The following CCNJL variants were observed in gnomAD, a reference collection of about 807,000 sequenced individuals.
The protein encoded by CCNJL is cyclin J like.
A neutral mutation model predicts 33.4 loss-of-function variants in CCNJL; 33 were observed. The ratio of observed to expected loss-of-function variants is 0.99; its 90% CI spans 0.75 to 1.32. CCNJL has a LOEUF of 1.32. Among genes scored for constraint, CCNJL ranks in the 40% most tolerant of loss-of-function variants. CCNJL has a pLI of 0.00. For synonymous variants in CCNJL, 227 were observed against 220.9 expected, an observed-to-expected ratio of 1.03 and a Z score of -0.24; for missense variants, 512 against 499.7, an observed-to-expected ratio of 1.02 and a Z score of -0.23.
At position 160,255,796 on chromosome 5, in the gene CCNJL, G is replaced by A. The variant is rs1383216291; in HGVS notation, c.584-88C>T. ...CTGAGAATGGATGGACAAATGAATC[G>A]CTTTCAAGGCTTTTCATCGCTGCCC... On this transcript the variant is annotated intron_variant, in intron 4 of 5. Transcript: ENST00000257536. The A allele has an allele frequency of 3.3e-5, 37 of 1,136,060 alleles. 1 individual carries two copies. The South Asian group carries it at 4.0e-4, about 12-fold the overall frequency. 70.4% of individuals were successfully genotyped at this position (1,136,060 alleles called of 1,614,324 possible).
chr5:160,271,810 G>A (rs1470893322), intron 3 of CCNJL, among the ~76,000 whole-genome samples: 1 of 152,236 alleles, frequency 6.6e-6, no homozygotes, highest in Non-Finnish European at 1.5e-5. Flanking sequence ...TTCCTGAAAT[G>A]TTCAAACATT....
intron 2 of CCNJL, among the ~76,000 whole-genome samples, chr5:160,292,662 G>C (rs1762624163): frequency 7.0e-6 from 1 of 142,068 alleles, no homozygotes; most frequent in Non-Finnish European, 1.5e-5. Context: ...TGTAACATGT[G>C]TGTGTATATA....
intron 2 of CCNJL, among the ~76,000 whole-genome samples, chr5:160,307,335 G>C (rs12108752): frequency 2.5e-4 from 38 of 152,310 alleles, no homozygotes; most frequent in African/African-American, 9.1e-4. Context: ...CAAAGATGGT[G>C]AAAGAAGCAA....
rs561818007 is a variant in CCNJL at position 160,332,780 on chromosome 5, T to C, written n.206+6665A>G. 2.0e-5 allele frequency among the ~76,000 whole-genome samples: 3 copies of C among 152,282 alleles called. No homozygotes were observed. In the East Asian group the frequency reaches 5.8e-4, roughly 29 times the overall value. On this transcript the variant is annotated intron_variant and non_coding_transcript_variant, in intron 1 of 7. Transcript: ENST00000377503. ...TCAACTACTGACCCTTCCATATGTCTTCTCTGCTTTTTTTTTTCTCCTAGT... is the reference window on the plus strand; with the variant it reads ...TCAACTACTGACCCTTCCATATGTCCTCTCTGCTTTTTTTTTTCTCCTAGT...
At chr5:160,257,057 C>T (rs192519182) in intron 4 of CCNJL, among the ~76,000 whole-genome samples, 124 of 152,114 alleles carry the variant, frequency 8.2e-4, no homozygotes, top group Admixed American at 2.2e-3. Flanking sequence ...GTGATACAAA[C>T]GATCATTCAG....
At chr5:160,295,300 C>G (rs183662044) in intron 2 of CCNJL, among the ~76,000 whole-genome samples, 3 of 152,140 alleles carry the variant, frequency 2.0e-5, no homozygotes, top group Admixed American at 6.6e-5. Context: ...ACCATCCTGT[C>G]CAACAGGTGA....
chr5:160,337,144 C>T (rs1763693645), intron 1 of CCNJL, among the ~76,000 whole-genome samples: 2 of 150,688 alleles, frequency 1.3e-5, no homozygotes, highest in Admixed American at 1.3e-4. Context: ...GCTGGGGCTA[C>T]AGGCACGTAC....
chr5:160,258,375 T>C (rs1761164441), intron 4 of CCNJL: 1 of 778,520 alleles, frequency 1.3e-6, no homozygotes, highest in Non-Finnish European at 2.3e-6. Context: ...TATATGAGAA[T>C]GAAGATGTGA....
At chr5:160,287,031 C>T (rs1762429062) in intron 2 of CCNJL, among the ~76,000 whole-genome samples, 1 of 152,144 alleles carries the variant, frequency 6.6e-6, no homozygotes, top group African/African-American at 2.4e-5. Context: ...CCTCACCTCC[C>T]GCCCCCACAT....
intron 3 of CCNJL, among the ~76,000 whole-genome samples, chr5:160,278,902 C>T (rs536114871): frequency 8.5e-5 from 13 of 152,308 alleles, no homozygotes; most frequent in South Asian, 2.1e-4. Flanking sequence ...GGGGGCTGCA[C>T]GTTGATTTGG....
chr5:160,274,471 A>T (rs770877563), intron 3 of CCNJL, among the ~76,000 whole-genome samples: 91 of 152,050 alleles, frequency 6.0e-4, no homozygotes, highest in Non-Finnish European at 1.1e-3. Context: ...AAAAAAAAAC[A>T]ATCTGTAGTA....
At chr5:160,267,982 T>C (rs935189612) in intron 3 of CCNJL, among the ~76,000 whole-genome samples, 1 of 152,244 alleles carries the variant, frequency 6.6e-6, no homozygotes, top group African/African-American at 2.4e-5. Context: ...CTTCCAATGA[T>C]AGCATTTAAG....
intron 2 of CCNJL, among the ~76,000 whole-genome samples, chr5:160,291,036 T>TAAAAAAA (rs1177369719): frequency 6.3e-4 from 36 of 57,514 alleles, no homozygotes; most frequent in South Asian, 7.0e-4. Context: ...CGTCTTTACT[T>TAAAAAAA]AAAAAAAAAA....
intron 1 of CCNJL, among the ~76,000 whole-genome samples, chr5:160,336,293 G>C (rs996336424): frequency 6.6e-6 from 1 of 152,202 alleles, no homozygotes; most frequent in Non-Finnish European, 1.5e-5. Flanking sequence ...TGTAATTAAG[G>C]GTCTTGAGGT....
chr5:160,339,374 A>AC, intron 1 of CCNJL: 4 of 247,544 alleles, frequency 1.6e-5, no homozygotes, highest in Non-Finnish European at 2.4e-5. Flanking sequence ...AAAAAAAACA[A>AC]AAAAAAACGC....
intron 2 of CCNJL, among the ~76,000 whole-genome samples, chr5:160,306,637 A>C (rs1381272596): frequency 6.6e-6 from 1 of 152,230 alleles, no homozygotes; most frequent in African/African-American, 2.4e-5. Context: ...TGAAGCCTTA[A>C]GTCACAGTGG....
chr5:160,304,710 G>A (rs72812284), intron 2 of CCNJL, among the ~76,000 whole-genome samples: 16,640 of 152,124 alleles, frequency 0.11, 963 homozygotes, highest in South Asian at 0.14. Context: ...TTTCCCTTGA[G>A]GGATGCAGAA....
chr5:160,327,896 CA>C (rs1288124402), intron 1 of CCNJL, among the ~76,000 whole-genome samples: 3 of 151,400 alleles, frequency 2.0e-5, no homozygotes, highest in African/African-American at 4.8e-5. Context: ...AAAAACAATA[CA>C]AAAAAGTAGT....
upstream of CCNJL, chr5:160,315,436 G>A (rs774274179): frequency 6.7e-6 from 3 of 449,538 alleles, no homozygotes; most frequent in Non-Finnish European, 8.9e-6. Flanking sequence ...GAGCACCAAA[G>A]GTTGAGGCAG....
Sources: allele counts gnomAD v4.1 joint callset (sites outside exome capture counted in the v4.1 genomes callset), GRCh38; gene constraint gnomAD v4.1.1; transcripts MANE v1.5; gene names NCBI Gene and HGNC (gene_info 2026-07-23, HGNC 2026-07-21).